The following ATP9A variants were observed in gnomAD, a reference collection of about 807,000 sequenced individuals.
ATP9A encodes the protein ATPase phospholipid transporting 9A.
ATP9A carries 52 observed loss-of-function variants against 144.1 expected under a neutral mutation model. That is an observed-to-expected ratio of 0.36 (90% CI 0.29 to 0.45). ATP9A has a LOEUF of 0.45. ATP9A is among the 20% of genes least tolerant of loss of function. The probability of loss-of-function intolerance (pLI) is 1.00; values close to 1 mark genes in which losing one functional copy is unlikely to be tolerated. For missense variants in ATP9A, 947 were observed against 1,392.7 expected, an observed-to-expected ratio of 0.68 and a Z score of 5.09; for synonymous variants, 582 against 557.4, an observed-to-expected ratio of 1.04 and a Z score of -0.62.
At chr20:51,647,866 T>C (rs2077348172) in intron 14 of ATP9A, among the ~76,000 whole-genome samples, 1 of 152,226 alleles carries the variant, frequency 6.6e-6, no homozygotes, top group Non-Finnish European at 1.5e-5. Flanking sequence ...ATCTGACAGT[T>C]TCCTACAGTG....
chr20:51,706,314 G>A (rs1487197883), intron 4 of ATP9A, among the ~76,000 whole-genome samples: 1 of 152,212 alleles, frequency 6.6e-6, no homozygotes, highest in African/African-American at 2.4e-5. Context: ...TTCCAGCTCT[G>A]CCTTTTGCTA....
At chr20:51,610,217 A>G in intron 23 of ATP9A, 52 bp from the exon 24 acceptor site, 1 of 1,428,416 alleles carries the variant, frequency 7.0e-7, no homozygotes. Context: ...AAAATCCCTT[A>G]CATTTACAGA....
Position 51,695,109 on chromosome 20 carries a change from A to C in ATP9A, c.547+984T>G, listed in dbSNP as rs551325210. ...AAAGGAATACGAATGTAAATTTTTC[A>C]TGTATTCAAAAAACCTCCGATCATG... On this transcript the variant is annotated intron_variant, in intron 6 of 27. Coordinates refer to ENST00000338821, the MANE Select transcript of ATP9A (RefSeq NM_006045.3). Among the ~76,000 whole-genome samples, 43 of 83,332 alleles carry C rather than the reference A, an allele frequency of 5.2e-4. 1 individual carries two copies. The highest frequency in any genetic ancestry group is 1.9e-3 in the South Asian group (6 of 3,122). The allele number at this position is 83,332 out of a possible 152,430, so 54.7% of individuals were successfully genotyped here.
chr20:51,678,274 C>A (rs1190500183), intron 9 of ATP9A, among the ~76,000 whole-genome samples: 1 of 152,066 alleles, frequency 6.6e-6, no homozygotes, highest in Non-Finnish European at 1.5e-5. Context: ...TTGGTCTCTG[C>A]CAGAAAGAGA....
chr20:51,623,801 A>AAAAAGAAAGAAAG (rs558189054), intron 18 of ATP9A, among the ~76,000 whole-genome samples: 28 of 133,418 alleles, frequency 2.1e-4, no homozygotes, highest in African/African-American at 7.8e-4. Context: ...AAAAAAAAAA[A>AAAAAGAAAGAAAG]AAAGAAAGAA....
intron 3 of ATP9A, among the ~76,000 whole-genome samples, chr20:51,718,482 G>C (rs2077672473): frequency 6.6e-6 from 1 of 151,956 alleles, no homozygotes; most frequent in East Asian, 1.9e-4. Flanking sequence ...CTTTGGAGGA[G>C]TGGGGGGCAA....
intron 14 of ATP9A, among the ~76,000 whole-genome samples, chr20:51,647,007 T>G (rs1239843285): frequency 6.6e-6 from 1 of 151,886 alleles, no homozygotes; most frequent in Non-Finnish European, 1.5e-5. Context: ...TAATTCCAGC[T>G]ACTCGGGAGG....
At chr20:51,692,139 T>G (rs905458233) in intron 7 of ATP9A, among the ~76,000 whole-genome samples, 4 of 152,176 alleles carry the variant, frequency 2.6e-5, no homozygotes, top group Admixed American at 1.3e-4. Flanking sequence ...GTTCCAGTTT[T>G]GAAAGATGAA....
At position 51,720,313 on chromosome 20, in the gene ATP9A, T is replaced by C. The variant is rs140577355; in HGVS notation, c.327+5506A>G. Among the ~76,000 whole-genome samples the C allele has an allele frequency of 3.5e-3, 529 of 152,330 alleles. 1 individual carries two copies. Among genetic ancestry groups the C allele is most frequent in the Admixed American group, 8.1e-3 (124 of 15,300 alleles). ...AGACCAACTTTGTTAAAGTAACTTA[T>C]GGTTTGATTTTTATGTAAGTATACA... On this transcript the variant is annotated intron_variant, in intron 3 of 27. Transcript: ENST00000338821.
chr20:51,646,445 C>T (rs1160349587), intron 14 of ATP9A, among the ~76,000 whole-genome samples: 1 of 152,206 alleles, frequency 6.6e-6, no homozygotes, highest in Non-Finnish European at 1.5e-5. Context: ...CACCGGTCAG[C>T]CCTAATCCAG....
At chr20:51,695,052 C>A (rs1357501169) in intron 6 of ATP9A, among the ~76,000 whole-genome samples, 1 of 152,154 alleles carries the variant, frequency 6.6e-6, no homozygotes, top group South Asian at 2.1e-4. Flanking sequence ...TACTTTAATT[C>A]TATTCATAAT....
rs771661887 is a variant in ATP9A, at chr20:51,729,955, C to A, written c.92G>T (p.Cys31Phe). Residue 31 changes from cysteine to phenylalanine, a missense_variant, in exon 2 of 28, where the codon TGC (cysteine) becomes TTC (phenylalanine). By Grantham distance (205) the Cys-to-Phe change is radical. Coordinates refer to ENST00000338821, the MANE Select transcript of ATP9A (RefSeq NM_006045.3). Reference protein sequence around the residue: ...RAGCCEWLRCCGGGEARPRTV... With the variant: ...RAGCCEWLRCFGGGEARPRTV... The stretch of plus-strand genomic sequence containing the variant: ...GCGGGGCCTGGCCTCCCCTCCACCG[C>A]AGCATCTCAGCCACTCGCAGCACCT... 1.3e-6 allele frequency: 2 copies of A among 1,564,840 alleles called. No homozygotes were observed. The highest frequency in any genetic ancestry group is 2.4e-5 in the South Asian group (2 of 83,980).
intron 4 of ATP9A, among the ~76,000 whole-genome samples, chr20:51,700,544 G>C (rs1230758870): frequency 6.6e-6 from 1 of 152,146 alleles, no homozygotes; most frequent in Non-Finnish European, 1.5e-5. Flanking sequence ...CAGAGAAAGA[G>C]AGAGCGCCGG....
chr20:51,618,447 G>C (rs778559041), intron 21 of ATP9A, among the ~76,000 whole-genome samples: 4 of 152,174 alleles, frequency 2.6e-5, no homozygotes, highest in Non-Finnish European at 5.9e-5. Flanking sequence ...TGGCAAAGGA[G>C]TAGAGGCCTG....
chr20:51,625,414 C>T, intron 17 of ATP9A, 52 bp from the exon 18 acceptor site: 3 of 1,564,314 alleles, frequency 1.9e-6, no homozygotes, highest in Non-Finnish European at 2.6e-6. Flanking sequence ...AGAGGCCAGG[C>T]TGACTGGCCA....
intron 22 of ATP9A, among the ~76,000 whole-genome samples, chr20:51,615,429 C>T (rs1329014194): frequency 6.6e-6 from 1 of 151,856 alleles, no homozygotes; most frequent in South Asian, 2.1e-4. Flanking sequence ...AAGTAAGCTG[C>T]ACAACAAAAT....
At chr20:51,768,189 C>A in intron 1 of ATP9A, 113 bp downstream of exon 1, 1 of 567,554 alleles carries the variant, frequency 1.8e-6, no homozygotes, top group Non-Finnish European at 2.4e-6. Context: ...CTGCCCCAGG[C>A]TCATGGCGCC....
chr20:51,651,158 A>ATATATATATATATATG (rs1568803351), intron 14 of ATP9A, among the ~76,000 whole-genome samples: 2 of 141,252 alleles, frequency 1.4e-5, no homozygotes, highest in Admixed American at 7.4e-5. Flanking sequence ...CTCTCCATAT[A>ATATATATATATATATG]TATATATACA....
chr20:51,624,723 A>C (rs2077240779), intron 18 of ATP9A, among the ~76,000 whole-genome samples: 1 of 152,082 alleles, frequency 6.6e-6, no homozygotes, highest in South Asian at 2.1e-4. Context: ...TCAGGGCTGG[A>C]GGGCCAGGCA....
Sources: allele counts gnomAD v4.1 joint callset (sites outside exome capture counted in the v4.1 genomes callset), GRCh38; gene constraint gnomAD v4.1.1; transcripts MANE v1.5; gene names NCBI Gene and HGNC (gene_info 2026-07-23, HGNC 2026-07-21).